Variants in ATP7B observed in about 807,000 individuals in gnomAD.
ATP7B encodes the protein copper-transporting ATPase 2.
In ATP7B, 113 loss-of-function variants were observed where a neutral mutation model predicts 118.9. The ratio of observed to expected loss-of-function variants is 0.95; its 90% CI spans 0.82 to 1.11. ATP7B has a LOEUF of 1.11. Ranked by LOEUF, ATP7B falls within the 50% of genes most tolerant of loss-of-function variation. The pLI is 0.00. For missense variants in ATP7B, 1,867 were observed against 1,871.4 expected, an observed-to-expected ratio of 1.00 and a Z score of 0.04; for synonymous variants, 777 against 727.4, an observed-to-expected ratio of 1.07 and a Z score of -1.10.
chr13:52,005,286 C>T (rs1213705474), intron 1 of ATP7B, among the ~76,000 whole-genome samples: 1 of 152,186 alleles, frequency 6.6e-6, no homozygotes, highest in African/African-American at 2.4e-5. Context: ...AATTTGTTTT[C>T]TTCTTGCATT....
intron 1 of ATP7B, among the ~76,000 whole-genome samples, chr13:51,982,809 G>A (rs1952483696): frequency 6.6e-6 from 1 of 152,234 alleles, no homozygotes; most frequent in Non-Finnish European, 1.5e-5. Context: ...AAGCACAAGT[G>A]GTTAGTGAAC....
intron 4 of ATP7B, among the ~76,000 whole-genome samples, chr13:51,967,785 C>T (rs1354095815): frequency 6.6e-6 from 1 of 152,224 alleles, no homozygotes; most frequent in African/African-American, 2.4e-5. Flanking sequence ...CCTTTGCTTA[C>T]ACAAAAAGAG....
rs779919865 is a variant in ATP7B at position 51,974,973 on chromosome 13, A to T, written c.247T>A (p.Leu83Met). 1.2e-6 allele frequency: 2 copies of T among 1,614,204 alleles called. No homozygotes were observed. Among genetic ancestry groups the T allele is most frequent in the East Asian group, 2.2e-5 (1 of 44,882 alleles). Residue 83 changes from leucine (L) to methionine (M), a missense_variant, in exon 2 of 21, where the codon TTG becomes ATG. Leu to Met is a conservative substitution (Grantham distance 15). Transcript: ENST00000242839. Reference protein sequence around the residue: ...VKSIEDRISNLKGIISMKVSL... With the variant: ...VKSIEDRISNMKGIISMKVSL... ...ACCTTCATGCTGATGATGCCTTTCA[A>T]ATTGGAAATCCTGTCCTCAATGGAC...
intron 13 of ATP7B, 49 bp downstream of exon 13, chr13:51,946,235 G>C (rs754250779): frequency 6.5e-7 from 1 of 1,544,086 alleles, no homozygotes. Context: ...ATAGTAAACA[G>C]ATACTACTTT....
intron 4 of ATP7B, chr13:51,966,909 C>T (rs188760364): frequency 2.4e-5 from 39 of 1,612,902 alleles, no homozygotes; most frequent in African/African-American, 9.3e-5. Context: ...CCACAAAAAC[C>T]GAGAGCACTT....
chr13:51,954,120 T>G (rs9535805), intron 9 of ATP7B, among the ~76,000 whole-genome samples: 6,505 of 152,234 alleles, frequency 0.043, 211 homozygotes, highest in South Asian at 0.11. Context: ...GCAACTTCCA[T>G]GCTGAGCCCT....
At chr13:52,001,598 G>A (rs974185872) in intron 1 of ATP7B, among the ~76,000 whole-genome samples, 1 of 152,026 alleles carries the variant, frequency 6.6e-6, no homozygotes, top group Non-Finnish European at 1.5e-5. Flanking sequence ...TTGCTCAAAC[G>A]TCAACTTCTC....
chr13:51,997,673 G>A (rs927145807), intron 1 of ATP7B, among the ~76,000 whole-genome samples: 3 of 152,152 alleles, frequency 2.0e-5, no homozygotes, highest in African/African-American at 7.2e-5. Flanking sequence ...AACAGTTTGG[G>A]CAGAAACAAG....
chr13:51,967,269 T>C, intron 4 of ATP7B: 1 of 763,168 alleles, frequency 1.3e-6, no homozygotes, highest in Admixed American at 2.3e-5. Context: ...ATTATCTTTA[T>C]CACAAACATT....
At chr13:51,978,759 GTGTT>G (rs1175434156) in intron 1 of ATP7B, 1 of 152,228 alleles carries the variant, frequency 6.6e-6, no homozygotes, top group Non-Finnish European at 1.5e-5. Context: ...TATATAGCAT[GTGTT>G]TGTTATCTGT....
At chr13:51,961,226 T>C (rs776441800) in intron 6 of ATP7B, among the ~76,000 whole-genome samples, 8 of 151,898 alleles carry the variant, frequency 5.3e-5, no homozygotes, top group Non-Finnish European at 1.0e-4. Context: ...CACTCACTCT[T>C]TCTCAGCCAG....
Position 51,947,267 on chromosome 13 carries a change from G to A in ATP7B, c.2866-789C>T, listed in dbSNP as rs914704880. ...CTGAATACAGCATTTCAACAATACTGGAAAGGTATCCACCAATATGCAAAA... is the reference window on the plus strand; with the variant it reads ...CTGAATACAGCATTTCAACAATACTAGAAAGGTATCCACCAATATGCAAAA... On this transcript the variant is annotated intron_variant, in intron 12 of 20. Coordinates refer to ENST00000242839, the MANE Select transcript of ATP7B (RefSeq NM_000053.4). 3.9e-5 allele frequency among the ~76,000 whole-genome samples: 6 copies of A among 152,246 alleles called. No individual in the cohort carries two copies. In the East Asian group the frequency reaches 9.6e-4, roughly 24 times the overall value.
At chr13:51,971,565 A>G (rs1356073833) in intron 2 of ATP7B, among the ~76,000 whole-genome samples, 1 of 152,244 alleles carries the variant, frequency 6.6e-6, no homozygotes, top group Non-Finnish European at 1.5e-5. Flanking sequence ...AAGACTTTAA[A>G]CATCACACAA....
chr13:52,000,007 C>T (rs983928768), intron 1 of ATP7B, among the ~76,000 whole-genome samples: 3 of 152,148 alleles, frequency 2.0e-5, no homozygotes, highest in African/African-American at 4.8e-5. Context: ...TTCCCACCAA[C>T]AGCTCCTACT....
At chr13:51,949,603 T>C (rs569626677) in intron 12 of ATP7B, 59 bp downstream of exon 12, 1 of 1,591,222 alleles carries the variant, frequency 6.3e-7, no homozygotes, top group Non-Finnish European at 8.6e-7. Flanking sequence ...AAGAACAGGA[T>C]CAATGTCAGT....
chr13:51,983,656 A>T (rs1952524292), intron 1 of ATP7B, among the ~76,000 whole-genome samples: 1 of 75,490 alleles, frequency 1.3e-5, no homozygotes, highest in Non-Finnish European at 3.1e-5. Flanking sequence ...TACCCCATAC[A>T]AGAGAGTCTG....
chr13:51,933,138 C>T lies in ATP7B; in HGVS notation c.*1618G>A, dbSNP rs555136047. ...TGAGTTGAAACAATGAATAGATCAC[C>T]TGGTAGATTTGTTCTTCCAGGAGGC... On this transcript the variant is annotated 3_prime_UTR_variant, in exon 21 of 21. Coordinates refer to ENST00000242839, the MANE Select transcript of ATP7B (RefSeq NM_000053.4). 1.3e-5 allele frequency: 2 copies of T among 152,318 alleles called. No homozygotes were observed. Among genetic ancestry groups the T allele is most frequent in the Middle Eastern group, 3.4e-3 (1 of 296 alleles). The allele number at this position is 152,318 out of a possible 1,614,324, so 9.4% of individuals were successfully genotyped here. A position where few individuals can be genotyped will look rare whatever the true frequency, so the allele number is the denominator to read the frequency against.
At position 51,934,601 on chromosome 13, in the gene ATP7B, AGGCC is replaced by A. The variant is rs1249743940; in HGVS notation, c.*151_*154del. On this transcript the variant is annotated 3_prime_UTR_variant, in exon 21 of 21. Coordinates refer to ENST00000242839, the MANE Select transcript of ATP7B (RefSeq NM_000053.4). ...GGCCAAGCCCAGCTGCACCCAGACAAGGCCGCGTGCTGCAGGGCAGGATGACTGG... is the reference window on the plus strand; with the variant it reads ...GGCCAAGCCCAGCTGCACCCAGACAAGCGTGCTGCAGGGCAGGATGACTGG... The A allele has an allele frequency of 2.4e-6, 3 of 1,258,908 alleles. No individual in the cohort carries two copies. The highest frequency in any genetic ancestry group is 3.3e-6 in the Non-Finnish European group (3 of 903,016). The allele number at this position is 1,258,908 out of a possible 1,614,324, so 78.0% of individuals were successfully genotyped here.
Position 51,946,334 on chromosome 13 carries a change from G to T in ATP7B, c.3010C>A (p.Gln1004Lys), listed in dbSNP as rs1448968475. Residue 1004 changes from glutamine to lysine, a missense_variant, in exon 13 of 21, where the codon CAG becomes AAG. Gln to Lys is a moderately conservative substitution (Grantham distance 53, BLOSUM62 1). Coordinates refer to ENST00000242839, the MANE Select transcript of ATP7B (RefSeq NM_000053.4). ...CCTCCCTTGATGAGGATGCCGTTCTGCGCGGCCACCCCGGTGCCCACCATG... is the reference window on the plus strand; with the variant it reads ...CCTCCCTTGATGAGGATGCCGTTCTTCGCGGCCACCCCGGTGCCCACCATG... The part of the protein sequence containing the change: ...AVMVGTGVAA[Q>K]NGILIKGGKP... 6.2e-7 allele frequency: 1 copy of T among 1,608,192 alleles called. No individual in the cohort carries two copies. Among genetic ancestry groups the T allele is most frequent in the African/African-American group, 1.3e-5 (1 of 74,854 alleles).
Sources: gnomAD v4.1 joint callset for allele counts (sites outside exome capture counted in the v4.1 genomes callset) on GRCh38, gnomAD v4.1.1 for gene constraint, MANE v1.5 for transcripts, NCBI Gene and HGNC (gene_info 2026-07-23, HGNC 2026-07-21) for gene names.